The following CACNA2D1 variants were observed in gnomAD, a reference collection of about 807,000 sequenced individuals.
CACNA2D1 encodes the protein voltage-dependent calcium channel subunit alpha-2/delta-1.
In CACNA2D1, 53 loss-of-function variants were observed where a neutral mutation model predicts 171.5. The ratio of observed to expected loss-of-function variants is 0.31; its 90% CI spans 0.25 to 0.39. The LOEUF (loss-of-function observed/expected upper bound fraction) is 0.39, where lower values mean the gene tolerates loss of function less well. Among genes scored for constraint, CACNA2D1 ranks in the 10% least tolerant of loss-of-function variants. The probability of loss-of-function intolerance (pLI) is 1.00; values close to 1 mark genes in which losing one functional copy is unlikely to be tolerated. For synonymous variants in CACNA2D1, 442 were observed against 443.1 expected, an observed-to-expected ratio of 1.00 and a Z score of 0.03; for missense variants, 903 against 1,299.8, an observed-to-expected ratio of 0.69 and a Z score of 4.69.
At chr7:81,974,349 T>C in intron 25 of CACNA2D1, 106 bp downstream of exon 25, 1 of 605,992 alleles carries the variant, frequency 1.7e-6, no homozygotes, top group Non-Finnish European at 3.0e-6. Flanking sequence ...GTAAAGTAAA[T>C]AAACAACCAG....
rs187368260 is a variant in CACNA2D1 at position 82,062,504 on chromosome 7, T to G, written c.779+1800A>C. On this transcript the variant is annotated intron_variant, in intron 9 of 38. Transcript: ENST00000356860. ...GTATTCCTTTAGTGCTATGTCATAC[T>G]TTATATCTATTAATTTCTACAATTA... 3.4e-3 allele frequency among the ~76,000 whole-genome samples: 521 copies of G among 152,260 alleles called. 1 individual carries two copies. The highest frequency in any genetic ancestry group is 5.5e-3 in the Admixed American group (84 of 15,276).
intron 1 of CACNA2D1, among the ~76,000 whole-genome samples, chr7:82,406,491 T>G (rs1485424045): frequency 6.6e-6 from 1 of 152,214 alleles, no homozygotes; most frequent in East Asian, 1.9e-4. Flanking sequence ...ATGGTTGAAC[T>G]AGTTTACAGT....
intron 3 of CACNA2D1, among the ~76,000 whole-genome samples, chr7:82,248,922 C>A (rs1805273805): frequency 6.6e-6 from 1 of 151,998 alleles, no homozygotes; most frequent in Non-Finnish European, 1.5e-5. Context: ...TCGAGACCAT[C>A]CTGGCTAATA....
chr7:82,093,573 T>A (rs975250771), intron 6 of CACNA2D1, among the ~76,000 whole-genome samples: 5 of 152,118 alleles, frequency 3.3e-5, no homozygotes, highest in Non-Finnish European at 7.4e-5. Context: ...CTATTAACCT[T>A]TCCATTTCAA....
chr7:82,262,026 T>A (rs1807170917), intron 3 of CACNA2D1, among the ~76,000 whole-genome samples: 1 of 152,122 alleles, frequency 6.6e-6, no homozygotes, highest in Admixed American at 6.5e-5. Context: ...CCTCTGGAAG[T>A]TTCATATAAA....
chr7:81,998,052 A>T (rs37114), intron 18 of CACNA2D1, among the ~76,000 whole-genome samples: 3,302 of 152,002 alleles, frequency 0.022, 121 homozygotes, highest in African/African-American at 0.074. Flanking sequence ...TAGTCTGGCA[A>T]ATTTACCTCA....
chr7:82,311,651 T>C (rs1814482962), intron 3 of CACNA2D1, among the ~76,000 whole-genome samples: 1 of 152,226 alleles, frequency 6.6e-6, no homozygotes, highest in Non-Finnish European at 1.5e-5. Flanking sequence ...TTGGAAGTTA[T>C]TTATAAATAT....
At chr7:82,012,345 A>G (rs1040087998) in intron 14 of CACNA2D1, 102 bp from the exon 15 acceptor site, 1 of 718,862 alleles carries the variant, frequency 1.4e-6, no homozygotes, top group Non-Finnish European at 2.5e-6. Flanking sequence ...AAATGAATAT[A>G]GAATCAAAAT....
chr7:82,013,243 A>G (rs1043706256), intron 14 of CACNA2D1, among the ~76,000 whole-genome samples: 1 of 151,998 alleles, frequency 6.6e-6, no homozygotes, highest in African/African-American at 2.4e-5. Context: ...AAATAACAAT[A>G]TACTCATTTT....
At chr7:82,183,061 G>A (rs931347122) in intron 3 of CACNA2D1, among the ~76,000 whole-genome samples, 2 of 150,262 alleles carry the variant, frequency 1.3e-5, no homozygotes, top group Admixed American at 6.6e-5. Flanking sequence ...AAAGTGAGGC[G>A]CAGGAAGGGT....
chr7:82,295,564 T>C (rs1013679944), intron 3 of CACNA2D1, among the ~76,000 whole-genome samples: 1 of 151,802 alleles, frequency 6.6e-6, no homozygotes, highest in African/African-American at 2.4e-5. Context: ...CCATGTTGCC[T>C]AGGCTAGTCT....
intron 10 of CACNA2D1, among the ~76,000 whole-genome samples, chr7:82,052,786 A>T (rs1170098244): frequency 6.6e-6 from 1 of 152,222 alleles, no homozygotes; most frequent in Non-Finnish European, 1.5e-5. Flanking sequence ...TAAATCTAGA[A>T]TCATGAATGA....
Position 81,959,701 on chromosome 7 carries a change from C to T in CACNA2D1, c.3076+19G>A. 3 of 1,606,740 alleles carry T rather than the reference C, an allele frequency of 1.9e-6. No individual in the cohort carries two copies. The highest frequency in any genetic ancestry group is 2.6e-6 in the Non-Finnish European group (3 of 1,174,840). On this transcript the variant is annotated intron_variant, in intron 37 of 38. Transcript: ENST00000356860. The stretch of plus-strand genomic sequence containing the variant: ...TAAGATGGTTTTCCTTTCCAGATAG[C>T]TCTGATGTCAAAGGATACAAGTCTG...
At chr7:81,972,814 T>C (rs1215409805) in intron 25 of CACNA2D1, among the ~76,000 whole-genome samples, 2 of 152,096 alleles carry the variant, frequency 1.3e-5, no homozygotes, top group African/African-American at 2.4e-5. Flanking sequence ...CTATACAACA[T>C]GGTGGTGAGA....
chr7:82,132,993 G>T (rs1791178979), intron 5 of CACNA2D1, among the ~76,000 whole-genome samples: 1 of 151,964 alleles, frequency 6.6e-6, no homozygotes, highest in South Asian at 2.1e-4. Flanking sequence ...ATGTCACAAG[G>T]ATCAACTTTG....
intron 24 of CACNA2D1, among the ~76,000 whole-genome samples, chr7:81,981,000 T>C (rs2130616542): frequency 6.6e-6 from 1 of 152,324 alleles, no homozygotes; most frequent in Admixed American, 6.5e-5. Context: ...ATGTGTCTCA[T>C]ATTGAAATAT....
intron 15 of CACNA2D1, among the ~76,000 whole-genome samples, chr7:82,009,566 C>G (rs1463988507): frequency 6.6e-6 from 1 of 152,024 alleles, no homozygotes; most frequent in Non-Finnish European, 1.5e-5. Context: ...AAAAATGCTA[C>G]CATGGTTTAA....
intron 3 of CACNA2D1, among the ~76,000 whole-genome samples, chr7:82,242,943 C>T (rs1014676090): frequency 1.3e-5 from 2 of 152,010 alleles, no homozygotes; most frequent in South Asian, 2.1e-4. Context: ...AATCATTGTA[C>T]CATGAAAGTT....
At chr7:82,443,334 C>T in intron 1 of CACNA2D1, 31 bp downstream of exon 1, 1 of 1,586,436 alleles carries the variant, frequency 6.3e-7, no homozygotes, top group South Asian at 1.1e-5. Context: ...CGCCCCTCGG[C>T]CGGCGCTCCC....
Sources: gnomAD v4.1 joint callset for allele counts (sites outside exome capture counted in the v4.1 genomes callset) on GRCh38, gnomAD v4.1.1 for gene constraint, MANE v1.5 for transcripts, NCBI Gene and HGNC (gene_info 2026-07-23, HGNC 2026-07-21) for gene names.